MORC3: variants seen among roughly 807,000 people sequenced by gnomAD.
MORC3 encodes MORC family CW-type zinc finger protein 3.
A neutral mutation model predicts 109.1 loss-of-function variants in MORC3; 31 were observed. That is an observed-to-expected ratio of 0.28 (90% CI 0.21 to 0.38). MORC3 has a LOEUF of 0.38. Ranked by LOEUF, MORC3 falls within the 10% of genes least tolerant of loss-of-function variation. The probability of loss-of-function intolerance (pLI) is 1.00; values close to 1 mark genes in which losing one functional copy is unlikely to be tolerated. For synonymous variants in MORC3, 395 were observed against 380.7 expected (o/e 1.04, Z -0.44); for missense variants, 867 against 1,135.8 (o/e 0.76, Z 3.40).
intron 1 of MORC3, among the ~76,000 whole-genome samples, chr21:36,331,213 TA>T (rs1569089280): frequency 6.6e-6 from 1 of 152,186 alleles, no homozygotes; most frequent in Non-Finnish European, 1.5e-5. Context: ...TTTTTCCCCT[TA>T]TTAGGAGAGA....
rs564572351 is a variant in MORC3, at chr21:36,355,538, G to A, written c.1104-1082G>A. Among the ~76,000 whole-genome samples, 15 of 152,288 alleles carry A rather than the reference G, an allele frequency of 9.8e-5. No individual in the cohort carries two copies. The South Asian group carries it at 1.0e-3, about 11-fold the overall frequency. On this transcript the variant is annotated intron_variant, in intron 9 of 16. Coordinates refer to ENST00000400485, the MANE Select transcript of MORC3 (RefSeq NM_015358.3). Reference sequence around the variant, plus strand: ...AACCTGACTACATTTGCACAAAGCAGTAGGGTTAGCCTGTCCGTTCTTGGA... The same window carrying A: ...AACCTGACTACATTTGCACAAAGCAATAGGGTTAGCCTGTCCGTTCTTGGA...
chr21:36,340,408 C>G (rs2085429470), intron 5 of MORC3, among the ~76,000 whole-genome samples: 1 of 151,840 alleles, frequency 6.6e-6, no homozygotes, highest in Non-Finnish European at 1.5e-5. Flanking sequence ...GTAGCCATAC[C>G]CACTTCCCTC....
chr21:36,326,076 G>GC (rs2085244752), intron 1 of MORC3, among the ~76,000 whole-genome samples: 1 of 151,350 alleles, frequency 6.6e-6, no homozygotes, highest in Non-Finnish European at 1.5e-5. Flanking sequence ...GCATGGTGGT[G>GC]GGTGCCTGTA....
Position 36,341,494 on chromosome 21 carries a change from A to C in MORC3, c.704A>C (p.Lys235Thr). 1 of 1,614,164 alleles carries C rather than the reference A, an allele frequency of 6.2e-7. No homozygotes were observed. Among genetic ancestry groups the C allele is most frequent in the South Asian group, 1.1e-5 (1 of 91,070 alleles). Residue 235 changes from lysine to threonine, a missense_variant, in exon 6 of 17, where the codon AAG (lysine) becomes ACG (threonine). This residue lies in a region of MORC3 where 134 missense variants were observed against 166.6 expected (regional missense o/e 0.80). Coordinates refer to ENST00000400485, the MANE Select transcript of MORC3 (RefSeq NM_015358.3). ...LDEITGKKGY[K>T]KQERMDQIAP... is the part of the protein sequence containing the mutation. ...GAGATAACAGGGAAGAAGGGGTACA[A>C]GAAGCAGGAAAGGATGGACCAGATT...
intron 12 of MORC3, among the ~76,000 whole-genome samples, chr21:36,361,070 C>T (rs1382755045): frequency 7.6e-6 from 1 of 131,228 alleles, no homozygotes; most frequent in Non-Finnish European, 1.5e-5. Flanking sequence ...GAGACTCTAT[C>T]TTAAAAAAAA....
chr21:36,340,638 C>CTTT (rs34899654), intron 5 of MORC3, among the ~76,000 whole-genome samples: 20 of 123,680 alleles, frequency 1.6e-4, no homozygotes, highest in African/African-American at 3.0e-4. Flanking sequence ...TTCTTTCTTT[C>CTTT]TTTTTTTTTT....
Position 36,354,397 on chromosome 21 carries a change from C to G in MORC3, c.1104-2223C>G, listed in dbSNP as rs1319916914. 2.7e-5 allele frequency among the ~76,000 whole-genome samples: 4 copies of G among 150,794 alleles called. No individual in the cohort carries two copies. In the East Asian group the frequency reaches 7.8e-4, roughly 29 times the overall value. ...TTGGCTCACTGCAACCTCCGCCTCC[C>G]AGGTTCAAGCGATTCTTCTGCCTCA... On this transcript the variant is annotated intron_variant, in intron 9 of 16. Coordinates refer to ENST00000400485, the MANE Select transcript of MORC3 (RefSeq NM_015358.3).
intron 10 of MORC3, among the ~76,000 whole-genome samples, chr21:36,358,016 C>A (rs1282874191): frequency 6.6e-6 from 1 of 151,182 alleles, no homozygotes. Flanking sequence ...GCTGGGATTA[C>A]AGGCGTGAGC....
At chr21:36,372,005 G>T (rs934940762) in intron 15 of MORC3, among the ~76,000 whole-genome samples, 3 of 151,962 alleles carry the variant, frequency 2.0e-5, no homozygotes, top group Non-Finnish European at 4.4e-5. Flanking sequence ...TAGAGATGGG[G>T]TTTCTCCATT....
At chr21:36,342,484 C>T (rs1369972168) in intron 6 of MORC3, among the ~76,000 whole-genome samples, 3 of 152,054 alleles carry the variant, frequency 2.0e-5, no homozygotes, top group Non-Finnish European at 4.4e-5. Context: ...CTCACTGCAG[C>T]CTCTGCCTCC....
intron 10 of MORC3, among the ~76,000 whole-genome samples, chr21:36,358,847 T>G (rs2085678837): frequency 6.6e-6 from 1 of 151,952 alleles, no homozygotes; most frequent in Non-Finnish European, 1.5e-5. Flanking sequence ...GCATGGCTTA[T>G]TTTTTGTATT....
In MORC3 at chr21:36,344,894, T is replaced by C. The variant is rs763185128; in HGVS notation, c.886-18T>C. 1.9e-6 allele frequency: 3 copies of C among 1,609,382 alleles called. No individual in the cohort carries two copies. The Admixed American group carries it at 5.1e-5, about 27-fold the overall frequency. ...CTGAGTGAGGTGTTGTGTTCAAAAT[T>C]TACCTTAATATTTTAAGTCTAAAAC... On this transcript the variant is annotated intron_variant, in intron 7 of 16. Coordinates refer to ENST00000400485, the MANE Select transcript of MORC3 (RefSeq NM_015358.3).
At chr21:36,362,322 C>T in intron 13 of MORC3, 94 bp downstream of exon 13, 1 of 1,360,234 alleles carries the variant, frequency 7.4e-7, no homozygotes, top group Non-Finnish European at 1.0e-6. Context: ...GCAGGTGGAT[C>T]ACCTGAGGTC....
chr21:36,342,229 G>C (rs1303699955), intron 6 of MORC3, among the ~76,000 whole-genome samples: 1 of 152,070 alleles, frequency 6.6e-6, no homozygotes, highest in Non-Finnish European at 1.5e-5. Flanking sequence ...AGGTGACAGA[G>C]TGAGACGCCA....
At chr21:36,362,084 G>A (rs1190121132) in intron 12 of MORC3, 99 bp from the exon 13 acceptor site, 2 of 1,204,878 alleles carry the variant, frequency 1.7e-6, no homozygotes, top group African/African-American at 1.5e-5. Flanking sequence ...TGAAATAGAA[G>A]CAGAGTTCAG....
At chr21:36,330,171 G>A (rs978593896) in intron 1 of MORC3, among the ~76,000 whole-genome samples, 3 of 151,852 alleles carry the variant, frequency 2.0e-5, no homozygotes, top group Non-Finnish European at 2.9e-5. Flanking sequence ...CTGAGCCACC[G>A]CACCTGGCCA....
At chr21:36,361,319 G>T (rs1432985688) in intron 12 of MORC3, among the ~76,000 whole-genome samples, 1 of 151,302 alleles carries the variant, frequency 6.6e-6, no homozygotes, top group Admixed American at 6.6e-5. Flanking sequence ...TGAGGTGGGT[G>T]GATCACTTGA....
In MORC3 at chr21:36,376,144, A is replaced by G. The variant is rs929150499; in HGVS notation, c.*848A>G. The stretch of plus-strand genomic sequence containing the variant: ...TGAGGAAGACAGTCTTTCTCAAACA[A>G]TACTACATACCTTTTATTATATTAC... On this transcript the variant is annotated 3_prime_UTR_variant, in exon 17 of 17. Transcript: ENST00000400485. The G allele has an allele frequency of 6.6e-6, 1 of 152,608 alleles. No homozygotes were observed. Among genetic ancestry groups the G allele is most frequent in the Non-Finnish European group, 1.5e-5 (1 of 68,032 alleles). 9.5% of individuals were successfully genotyped at this position (152,608 alleles called of 1,614,324 possible).
intron 2 of MORC3, among the ~76,000 whole-genome samples, chr21:36,334,300 A>G (rs117025886): frequency 0.021 from 3,221 of 152,350 alleles, 58 homozygotes; most frequent in Admixed American, 0.043. Context: ...ATTGCATAGC[A>G]TAACAGCTAT....
Sources: gnomAD v4.1 joint callset for allele counts (sites outside exome capture counted in the v4.1 genomes callset) on GRCh38, gnomAD v4.1.1 for gene constraint, gnomAD v4.1.1 regional missense constraint, MANE v1.5 for transcripts, NCBI Gene and HGNC (gene_info 2026-07-23, HGNC 2026-07-21) for gene names.